MECOM: variants seen among roughly 807,000 people sequenced by gnomAD.
MECOM encodes MDS1 and EVI1 complex locus.
MECOM carries 13 observed loss-of-function variants against 116.3 expected under a neutral mutation model. The ratio of observed to expected loss-of-function variants is 0.11; its 90% CI spans 0.07 to 0.18. The LOEUF is 0.18. MECOM is among the 10% of genes least tolerant of loss of function. The probability of loss-of-function intolerance (pLI) is 1.00; values close to 1 mark genes in which losing one functional copy is unlikely to be tolerated. For missense variants in MECOM, 1,299 were observed against 1,509.0 expected, an observed-to-expected ratio of 0.86 and a Z score of 2.31; for synonymous variants, 528 against 535.2, an observed-to-expected ratio of 0.99 and a Z score of 0.19.
At chr3:169,446,086 T>C (rs1744577652) in intron 1 of MECOM, among the ~76,000 whole-genome samples, 2 of 152,298 alleles carry the variant, frequency 1.3e-5, no homozygotes, top group African/African-American at 4.8e-5. Flanking sequence ...CTGTGGACTT[T>C]TGAGTTAATG....
At chr3:169,570,489 C>T (rs142789511) in intron 1 of MECOM, among the ~76,000 whole-genome samples, 10 of 152,116 alleles carry the variant, frequency 6.6e-5, no homozygotes, top group East Asian at 5.8e-4. Flanking sequence ...ACTCATTTTA[C>T]GAGGCCAGCA....
At chr3:169,507,650 C>CTTTATTTTTTTTTTTTT (rs1755406643) in intron 1 of MECOM, among the ~76,000 whole-genome samples, 1 of 57,150 alleles carries the variant, frequency 1.7e-5, no homozygotes, top group Non-Finnish European at 3.1e-5. Context: ...TCCCCACTTG[C>CTTTATTTTTTTTTTTTT]TTTTTTTTTT....
chr3:169,614,102 TTTTTC>T (rs1380309049), intron 1 of MECOM, among the ~76,000 whole-genome samples: 4 of 79,914 alleles, frequency 5.0e-5, no homozygotes, highest in African/African-American at 1.8e-4. Context: ...TTTTCTTTTC[TTTTTC>T]TTTTTTCTTT....
At chr3:169,464,690 C>T (rs751633981) in intron 1 of MECOM, among the ~76,000 whole-genome samples, 39 of 151,994 alleles carry the variant, frequency 2.6e-4, no homozygotes, top group African/African-American at 3.9e-4. Flanking sequence ...TCCCTTTAAA[C>T]GGTATTTTTC....
At position 169,545,488 on chromosome 3, in the gene MECOM, A is replaced by G. The variant is rs542528868; in HGVS notation, c.37+117848T>C. ...AAGGACTGAGCAATAAAAAATAAAG[A>G]CAGTACACAAAACCAAGATAACAAC... On this transcript the variant is annotated intron_variant, in intron 1 of 16. Coordinates refer to ENST00000651503, the MANE Select transcript of MECOM (RefSeq NM_004991.4). 1.1e-4 allele frequency among the ~76,000 whole-genome samples: 17 copies of G among 152,314 alleles called. No homozygotes were observed. In the East Asian group the frequency reaches 3.3e-3, roughly 29 times the overall value.
At chr3:169,106,475 A>G in intron 10 of MECOM, among the ~76,000 whole-genome samples, 1 of 152,130 alleles carries the variant, frequency 6.6e-6, no homozygotes, top group Middle Eastern at 3.2e-3. Context: ...ACCACGAAAA[A>G]TTATAAACAT....
intron 2 of MECOM, among the ~76,000 whole-genome samples, chr3:169,183,621 C>T (rs1441725604): frequency 6.6e-6 from 1 of 151,980 alleles, no homozygotes; most frequent in Non-Finnish European, 1.5e-5. Flanking sequence ...GCAGCTCCTC[C>T]TGCCTCACAG....
At chr3:169,307,819 T>C (rs896166299) in intron 2 of MECOM, among the ~76,000 whole-genome samples, 1 of 152,154 alleles carries the variant, frequency 6.6e-6, no homozygotes, top group African/African-American at 2.4e-5. Flanking sequence ...TGATGCTCCA[T>C]AGCAATTTGA....
At chr3:169,157,710 CT>C (rs1318985219) in intron 2 of MECOM, among the ~76,000 whole-genome samples, 1 of 152,186 alleles carries the variant, frequency 6.6e-6, no homozygotes, top group Non-Finnish European at 1.5e-5. Flanking sequence ...TACTGGTCAA[CT>C]TCCAAGAAGC....
At chr3:169,347,876 T>C (rs1725639168) in intron 2 of MECOM, among the ~76,000 whole-genome samples, 1 of 152,012 alleles carries the variant, frequency 6.6e-6, no homozygotes, top group Admixed American at 6.6e-5. Flanking sequence ...TTGCTAAGCA[T>C]GCTACAGAAT....
intron 2 of MECOM, among the ~76,000 whole-genome samples, chr3:169,326,641 C>T (rs1020945460): frequency 7.9e-5 from 12 of 152,234 alleles, no homozygotes; most frequent in Admixed American, 2.0e-4. Context: ...CTTCAATAAT[C>T]GGAGTCTATT....
chr3:169,610,527 G>GTA (rs1553898653), intron 1 of MECOM, among the ~76,000 whole-genome samples: 107 of 151,090 alleles, frequency 7.1e-4, no homozygotes, highest in South Asian at 1.3e-3. Flanking sequence ...GTGTGTGTGT[G>GTA]TATAATATCC....
At position 169,410,733 on chromosome 3, in the gene MECOM, T is replaced by C. The variant is rs142469727; in HGVS notation, c.38-29209A>G. On this transcript the variant is annotated intron_variant, in intron 1 of 16. Coordinates refer to ENST00000651503, the MANE Select transcript of MECOM (RefSeq NM_004991.4). ...AACCAGTCGTGCCCATTGACGCCTATCAAAACACAGCCGCCCTTTTCCTTT... is the reference window on the plus strand; with the variant it reads ...AACCAGTCGTGCCCATTGACGCCTACCAAAACACAGCCGCCCTTTTCCTTT... Among the ~76,000 whole-genome samples, 215 of 152,234 alleles carry C rather than the reference T, an allele frequency of 1.4e-3. 4 individuals are homozygous for C. In the East Asian group the frequency reaches 0.038, roughly 27 times the overall value.
intron 1 of MECOM, among the ~76,000 whole-genome samples, chr3:169,394,347 T>G (rs531327296): frequency 6.6e-6 from 1 of 152,320 alleles, no homozygotes; most frequent in African/African-American, 2.4e-5. Context: ...ATTTAACTTA[T>G]GTAATATAAG....
chr3:169,484,129 G>GAATCACTTTT, intron 1 of MECOM: 3 of 764,560 alleles, frequency 3.9e-6, no homozygotes, highest in Non-Finnish European at 6.5e-6. Context: ...TAAACAAAAA[G>GAATCACTTTT]TGATTCTTTT....
At chr3:169,378,940 T>C (rs147979039) in intron 2 of MECOM, among the ~76,000 whole-genome samples, 1,804 of 152,048 alleles carry the variant, frequency 0.012, 17 homozygotes, top group Non-Finnish European at 0.018. Context: ...TTTTTCTCCT[T>C]CATCATTTTT....
intron 2 of MECOM, among the ~76,000 whole-genome samples, chr3:169,285,006 G>T (rs1195720510): frequency 6.6e-6 from 1 of 152,250 alleles, no homozygotes; most frequent in East Asian, 1.9e-4. Flanking sequence ...GTGAAAGGAG[G>T]TTAGTCCCCA....
chr3:169,198,756 C>T (rs1343819332), intron 2 of MECOM, among the ~76,000 whole-genome samples: 2 of 151,970 alleles, frequency 1.3e-5, no homozygotes, highest in African/African-American at 4.8e-5. Flanking sequence ...GAATACCACA[C>T]ATAACAGGCC....
intron 2 of MECOM, among the ~76,000 whole-genome samples, chr3:169,289,987 A>T (rs546258829): frequency 6.6e-6 from 1 of 152,294 alleles, no homozygotes; most frequent in South Asian, 2.1e-4. Context: ...AGTGTTAACT[A>T]TTTTGGATTG....
Sources: gnomAD v4.1 joint callset for allele counts (sites outside exome capture counted in the v4.1 genomes callset) on GRCh38, gnomAD v4.1.1 for gene constraint, MANE v1.5 for transcripts, NCBI Gene and HGNC (gene_info 2026-07-23, HGNC 2026-07-21) for gene names.